The following VRK2 variants were observed in gnomAD, a reference collection of about 807,000 sequenced individuals.
VRK2 encodes the protein VRK serine/threonine kinase 2, also known as serine/threonine-protein kinase VRK2.
In VRK2, 60 loss-of-function variants were observed where a neutral mutation model predicts 57.6. That is an observed-to-expected ratio of 1.04 (90% CI 0.85 to 1.29). The LOEUF is 1.29. Among genes scored for constraint, VRK2 ranks in the 50% most tolerant of loss-of-function variants. The pLI, the probability that VRK2 is intolerant of heterozygous loss-of-function variation, is 0.00. For synonymous variants in VRK2, 231 were observed against 199.2 expected (o/e 1.16, Z -1.35); for missense variants, 705 against 588.1 (o/e 1.20, Z -2.06).
At chr2:58,066,757 G>A (rs1170607197) in intron 2 of VRK2, among the ~76,000 whole-genome samples, 1 of 152,166 alleles carries the variant, frequency 6.6e-6, no homozygotes, top group Admixed American at 6.5e-5. Context: ...ACTTTCTTTA[G>A]TGGTTATTTA....
intron 12 of VRK2, among the ~76,000 whole-genome samples, chr2:58,150,812 T>C (rs1682909784): frequency 6.6e-6 from 1 of 151,576 alleles, no homozygotes; most frequent in African/African-American, 2.4e-5. Flanking sequence ...ATTTCACAAA[T>C]TTTGATGTGT....
At chr2:58,137,223 T>TAA (rs1558687321) in intron 10 of VRK2, among the ~76,000 whole-genome samples, 1 of 19,884 alleles carries the variant, frequency 5.0e-5, no homozygotes, top group Non-Finnish European at 1.2e-4. Context: ...TACATATATA[T>TAA]CATATGATAC....
Position 58,135,172 on chromosome 2 carries a change from A to C in VRK2, c.829A>C (p.Lys277Gln). The C allele has an allele frequency of 6.2e-7, 1 of 1,614,216 alleles. No homozygotes were observed. The highest frequency in any genetic ancestry group is 8.5e-7 in the Non-Finnish European group (1 of 1,180,036). The change falls in exon 10 of 13, where the codon AAA becomes CAA. Residue 277 changes from lysine to glutamine, a missense_variant. Lys to Gln is a moderately conservative substitution (Grantham distance 53). Transcript: ENST00000340157. ...GGACGAGCTCCCCCAGTCAGTGCTT[A>C]AATGGGCTCCTTCTGGAAGCAGTTG... ...LLDELPQSVL[K>Q]WAPSGSSCCE...
upstream of VRK2, among the ~76,000 whole-genome samples, chr2:58,043,079 T>G (rs143221053): frequency 0.01 from 1,559 of 152,290 alleles, 13 homozygotes; most frequent in Non-Finnish European, 0.017. Flanking sequence ...TAGTACAAAT[T>G]TATTAACATT....
At chr2:57,948,059 G>C (rs1016849195) in intron 1 of VRK2, among the ~76,000 whole-genome samples, 2 of 152,076 alleles carry the variant, frequency 1.3e-5, no homozygotes, top group African/African-American at 4.8e-5. Flanking sequence ...TGAGGTCATA[G>C]GATTTAAGTT....
At position 57,953,762 on chromosome 2, in the gene VRK2, G is replaced by A. The variant is rs186891140; in HGVS notation, c.-439+45923G>A. Among the ~76,000 whole-genome samples, 266 of 151,386 alleles carry A rather than the reference G, an allele frequency of 1.8e-3. 1 individual carries two copies. The highest frequency in any genetic ancestry group is 6.1e-3 in the African/African-American group (254 of 41,332). ...TCCACTAAGATGCCCAGAATGAAGA[G>A]AGGGAAAAAAAAAGTCCTTCGGACT... is the stretch of plus-strand genomic sequence containing the variant. On this transcript the variant is annotated intron_variant, in intron 1 of 15. Coordinates refer to the VRK2 transcript ENST00000417641.
Position 58,141,275 on chromosome 2 carries a change from A to T in VRK2, c.1023+1443A>T, listed in dbSNP as rs192250613. 2.3e-3 allele frequency among the ~76,000 whole-genome samples: 351 copies of T among 152,078 alleles called. 1 individual carries two copies. The highest frequency in any genetic ancestry group is 8.2e-3 in the African/African-American group (339 of 41,526). ...CTTTTTGTAGTTTTTCAGTTTCATA[A>T]ACTTAATTGAAATATAAAAGAAGCC... is the stretch of plus-strand genomic sequence containing the variant. On this transcript the variant is annotated intron_variant, in intron 11 of 12. Coordinates refer to ENST00000340157, the MANE Select transcript of VRK2 (RefSeq NM_006296.7).
Position 58,159,527 on chromosome 2 carries a change from C to A in VRK2, c.1361C>A (p.Thr454Asn). ...KSRSPSWYKY[T>N]STVSTGITDL... The stretch of plus-strand genomic sequence containing the variant: ...AGATCTCCATCTTGGTATAAATACA[C>A]TTCCACAGTCAGCACGGGGATCACA... Residue 454 changes from threonine to asparagine, a missense_variant, in exon 13 of 13, where the codon ACT (threonine) becomes AAT (asparagine). Transcript: ENST00000340157. 2 of 1,613,796 alleles carry A rather than the reference C, an allele frequency of 1.2e-6. No individual in the cohort carries two copies. The highest frequency in any genetic ancestry group is 1.7e-6 in the Non-Finnish European group (2 of 1,179,794).
chr2:57,951,567 T>C (rs1365754826), intron 1 of VRK2, among the ~76,000 whole-genome samples: 7 of 152,184 alleles, frequency 4.6e-5, no homozygotes, highest in Non-Finnish European at 1.0e-4. Flanking sequence ...AAATCTTTAA[T>C]GAAAAGAAGA....
chr2:58,072,715 GT>G (rs1033628869), intron 2 of VRK2, among the ~76,000 whole-genome samples: 7 of 151,584 alleles, frequency 4.6e-5, no homozygotes, highest in African/African-American at 7.2e-5. Context: ...TTGATTTGTA[GT>G]TTTTTTTCTT....
intron 2 of VRK2, among the ~76,000 whole-genome samples, chr2:58,026,479 A>G (rs1402001492): frequency 6.6e-6 from 1 of 152,208 alleles, no homozygotes; most frequent in Non-Finnish European, 1.5e-5. Context: ...ATATGCAATT[A>G]TGAAAAATAA....
chr2:57,979,826 G>A (rs1418563851), intron 1 of VRK2, among the ~76,000 whole-genome samples: 3 of 152,068 alleles, frequency 2.0e-5, no homozygotes, highest in Admixed American at 1.3e-4. Context: ...TTGTGTGCAT[G>A]GAGGTGTTCA....
intron 1 of VRK2, among the ~76,000 whole-genome samples, chr2:57,936,531 G>GTTTTTTTTTTTTTTTTTTTTTTGT (rs539088139): frequency 1.5e-5 from 2 of 134,958 alleles, no homozygotes; most frequent in African/African-American, 5.6e-5. Flanking sequence ...TTGTTTTTTT[G>GTTTTTTTTTTTTTTTTTTTTTTGT]TTTTTTTTTT....
upstream of VRK2, among the ~76,000 whole-genome samples, chr2:58,044,343 T>A (rs931167736): frequency 3.3e-4 from 50 of 152,306 alleles, no homozygotes; most frequent in Middle Eastern, 3.4e-3. Flanking sequence ...CATGCTTATT[T>A]TGTACTGTCT....
At chr2:57,932,308 G>C (rs1670754944) in intron 1 of VRK2, among the ~76,000 whole-genome samples, 1 of 152,118 alleles carries the variant, frequency 6.6e-6, no homozygotes, top group African/African-American at 2.4e-5. Flanking sequence ...GAATTTACCA[G>C]TGAAGCCATC....
chr2:58,042,861 C>CT (rs1421104483), upstream of VRK2, among the ~76,000 whole-genome samples: 4 of 152,052 alleles, frequency 2.6e-5, no homozygotes, highest in Non-Finnish European at 5.9e-5. Context: ...TCTAGATTCT[C>CT]TTTTCTTTCT....
intron 1 of VRK2, among the ~76,000 whole-genome samples, chr2:57,953,431 A>G (rs1671488752): frequency 6.6e-6 from 1 of 152,212 alleles, no homozygotes; most frequent in Admixed American, 6.5e-5. Context: ...TCATTAGCCT[A>G]GGAATGAACT....
At chr2:57,924,547 G>T (rs1670468616) in intron 1 of VRK2, among the ~76,000 whole-genome samples, 1 of 151,936 alleles carries the variant, frequency 6.6e-6, no homozygotes. Flanking sequence ...AAATGCTACT[G>T]ATTTTTGTAT....
chr2:57,962,830 G>A (rs1403414760), intron 1 of VRK2, among the ~76,000 whole-genome samples: 1 of 152,016 alleles, frequency 6.6e-6, no homozygotes, highest in Non-Finnish European at 1.5e-5. Flanking sequence ...TTCACTGGAG[G>A]AGCTAGCAAA....
Sources: allele counts gnomAD v4.1 joint callset (sites outside exome capture counted in the v4.1 genomes callset), GRCh38; gene constraint gnomAD v4.1.1; transcripts MANE v1.5; gene names NCBI Gene and HGNC (gene_info 2026-07-23, HGNC 2026-07-21).